Variants in PDS5A observed in about 807,000 individuals in gnomAD.
The protein encoded by PDS5A is sister chromatid cohesion protein PDS5 homolog A.
PDS5A carries 42 observed loss-of-function variants against 167.1 expected under a neutral mutation model. The observed-to-expected ratio is 0.25, with a 90% CI of 0.20 to 0.33. PDS5A has a LOEUF of 0.33. Among genes scored for constraint, PDS5A ranks in the 10% least tolerant of loss-of-function variants. The pLI is 1.00. For missense variants in PDS5A, 1,033 were observed against 1,605.9 expected, an observed-to-expected ratio of 0.64 and a Z score of 6.10; for synonymous variants, 553 against 554.6, an observed-to-expected ratio of 1.00 and a Z score of 0.04.
intron 18 of PDS5A, 84 bp from the exon 19 acceptor site, chr4:39,877,237 A>G: frequency 1.2e-6 from 1 of 861,406 alleles, no homozygotes. Flanking sequence ...AAGAAAAAAA[A>G]AATTAAATTC....
At chr4:39,867,473 AC>A (rs1719568607) in intron 22 of PDS5A, among the ~76,000 whole-genome samples, 1 of 151,320 alleles carries the variant, frequency 6.6e-6, no homozygotes, top group African/African-American at 2.4e-5. Context: ...CAGGTGGATC[AC>A]TTGAGGTCAG....
chr4:39,939,473 T>C lies in PDS5A; in HGVS notation c.139-11309A>G, dbSNP rs559248889. On this transcript the variant is annotated intron_variant, in intron 2 of 32. Coordinates refer to ENST00000303538, the MANE Select transcript of PDS5A (RefSeq NM_001100399.2). Reference sequence around the variant, plus strand: ...CAGAGTGAGACCCTTTCTCAAAACCTAAAATGAAAAAAAAAATTTTTTTTA... The same window carrying C: ...CAGAGTGAGACCCTTTCTCAAAACCCAAAATGAAAAAAAAAATTTTTTTTA... Among the ~76,000 whole-genome samples the C allele has an allele frequency of 7.3e-5, 8 of 110,070 alleles. No individual in the cohort carries two copies. In the Admixed American group the frequency reaches 8.2e-4, roughly 11 times the overall value. 72.2% of individuals were successfully genotyped at this position (110,070 alleles called of 152,430 possible).
chr4:39,919,886 A>G (rs941796030), intron 7 of PDS5A, among the ~76,000 whole-genome samples: 2 of 152,132 alleles, frequency 1.3e-5, no homozygotes, highest in African/African-American at 4.8e-5. Flanking sequence ...CAAAAACAAC[A>G]GGCAAAACAA....
Position 39,863,343 on chromosome 4 carries a change from A to G in PDS5A, c.2759T>C (p.Val920Ala). ...TPEQFQLCAL[V>A]INDECYQVRQ... ...AATAAGATTGTTACTTACATTAATA[A>G]CAAGTGCACAGAGCTGAAACTGTTC... is the stretch of plus-strand genomic sequence containing the variant. The change falls in exon 24 of 33, where the codon GTT (valine) becomes GCT (alanine). Residue 920 changes from valine (V) to alanine (A), a missense_variant. Physicochemically the swap from Val to Ala is moderately conservative, Grantham distance 64 (BLOSUM62 0). Coordinates refer to ENST00000303538, the MANE Select transcript of PDS5A (RefSeq NM_001100399.2). 6.3e-7 allele frequency: 1 copy of G among 1,585,220 alleles called. No individual in the cohort carries two copies. Among genetic ancestry groups the G allele is most frequent in the South Asian group, 1.2e-5 (1 of 85,524 alleles).
chr4:39,972,260 G>A (rs1210297827), intron 2 of PDS5A, among the ~76,000 whole-genome samples: 1 of 152,112 alleles, frequency 6.6e-6, no homozygotes, highest in Non-Finnish European at 1.5e-5. Flanking sequence ...GGTGGCTCAC[G>A]CCTGTAATCC....
chr4:39,927,889 A>T (rs1190889591), intron 3 of PDS5A, 72 bp downstream of exon 3: 2 of 1,053,972 alleles, frequency 1.9e-6, no homozygotes, highest in East Asian at 5.1e-5. Flanking sequence ...AAGGTAAAAT[A>T]TAAAAATAAA....
At chr4:39,842,935 A>ATATATATATATATATATATATATT (rs1717190137) in intron 30 of PDS5A, among the ~76,000 whole-genome samples, 1 of 139,716 alleles carries the variant, frequency 7.2e-6, no homozygotes, top group Non-Finnish European at 1.5e-5. Flanking sequence ...ATATATATAT[A>ATATATATATATATATATATATATT]TATTTTAAGA....
At chr4:39,837,533 A>C in intron 32 of PDS5A, 1 of 216,008 alleles carries the variant, frequency 4.6e-6, no homozygotes, top group Non-Finnish European at 9.0e-6. Context: ...TCCAAAAGGT[A>C]GCCCTTATTT....
chr4:39,912,347 A>C (rs1723967010), intron 9 of PDS5A, among the ~76,000 whole-genome samples: 1 of 152,232 alleles, frequency 6.6e-6, no homozygotes, highest in African/African-American at 2.4e-5. Context: ...GTTTTTGCTT[A>C]AATGATTTAC....
chr4:39,906,029 A>G (rs1244703227), intron 11 of PDS5A, among the ~76,000 whole-genome samples: 2 of 152,156 alleles, frequency 1.3e-5, no homozygotes, highest in Non-Finnish European at 2.9e-5. Context: ...AAAGATAAGA[A>G]AATTAAACTA....
rs946045499 is a variant in PDS5A at position 39,835,585 on chromosome 4, G to A, written c.4010+2271C>T. 3.3e-5 allele frequency among the ~76,000 whole-genome samples: 5 copies of A among 151,952 alleles called. No individual in the cohort carries two copies. In the East Asian group the frequency reaches 5.8e-4, roughly 18 times the overall value. On this transcript the variant is annotated intron_variant, in intron 32 of 32. Transcript: ENST00000303538. ...TTTCCCAGGCTGGAGTGTAGTGGCC[G>A]GATCTCGGCTCACTGCAACCCCCGC...
intron 13 of PDS5A, 101 bp downstream of exon 13, chr4:39,902,246 T>C (rs116674805): frequency 1.0e-4 from 61 of 581,554 alleles, no homozygotes; most frequent in African/African-American, 9.9e-4. Flanking sequence ...GATTCAACTA[T>C]AGAAGCAGCA....
intron 2 of PDS5A, among the ~76,000 whole-genome samples, chr4:39,928,940 C>G (rs564613072): frequency 6.6e-6 from 1 of 151,610 alleles, no homozygotes; most frequent in South Asian, 2.1e-4. Flanking sequence ...ACTTTGGAAT[C>G]ATTATAAAAT....
At chr4:39,894,299 T>C (rs1392589391) in intron 16 of PDS5A, among the ~76,000 whole-genome samples, 1 of 151,994 alleles carries the variant, frequency 6.6e-6, no homozygotes, top group Non-Finnish European at 1.5e-5. Flanking sequence ...TCCCAGCTAC[T>C]TGGGAGGCTG....
chr4:39,878,889 G>A lies in PDS5A; in HGVS notation c.1992+839C>T, dbSNP rs143079190. On this transcript the variant is annotated intron_variant, in intron 18 of 32. Transcript: ENST00000303538. ...CTCCGAAGTAGCTGTGACTACAGGC[G>A]TGTGCCACCACGTCTACCTAATTTT... Among the ~76,000 whole-genome samples the A allele has an allele frequency of 1.1e-4, 16 of 152,042 alleles. No homozygotes were observed. In the East Asian group the frequency reaches 3.1e-3, roughly 30 times the overall value.
intron 6 of PDS5A, among the ~76,000 whole-genome samples, chr4:39,921,247 C>T (rs1218085473): frequency 5.9e-5 from 9 of 152,026 alleles, no homozygotes; most frequent in South Asian, 2.1e-4. Flanking sequence ...ATAAACAAAA[C>T]GAAAACGAAT....
intron 8 of PDS5A, among the ~76,000 whole-genome samples, chr4:39,915,343 A>ATTTTTTTTTT (rs3070904): frequency 1.1e-5 from 1 of 88,728 alleles, no homozygotes; most frequent in Non-Finnish European, 2.1e-5. Context: ...AACCGGCCTG[A>ATTTTTTTTTT]TTTTTTTTTT....
chr4:39,854,170 G>A (rs1296611752), intron 26 of PDS5A, among the ~76,000 whole-genome samples: 1 of 152,152 alleles, frequency 6.6e-6, no homozygotes, highest in African/African-American at 2.4e-5. Flanking sequence ...GGGCATCGTG[G>A]TGCATGCCTG....
chr4:39,977,089 G>C lies in PDS5A; in HGVS notation c.-41+368C>G, dbSNP rs1731183610. 6.6e-6 allele frequency among the ~76,000 whole-genome samples: 1 copy of C among 152,168 alleles called. No individual in the cohort carries two copies. The highest frequency in any genetic ancestry group is 2.1e-4 in the South Asian group (1 of 4,836). ...ACCCACGCGCAGCGGCGGCTGCCGG[G>C]AACAAAACGCCCTTGCCCAGCCGAG... On this transcript the variant is annotated intron_variant, in intron 1 of 32. Coordinates refer to ENST00000303538, the MANE Select transcript of PDS5A (RefSeq NM_001100399.2). This position sits in a 1 kb window ranked among gnomAD's most constrained non-coding sequence, Gnocchi z 4.2.
Sources: gnomAD v4.1 joint callset for allele counts (sites outside exome capture counted in the v4.1 genomes callset) on GRCh38, gnomAD v4.1.1 for gene constraint, Gnocchi (gnomAD v3.1) non-coding constraint, MANE v1.5 for transcripts, NCBI Gene and HGNC (gene_info 2026-07-23, HGNC 2026-07-21) for gene names.